The following ZNF503 variants were observed in gnomAD, a reference collection of about 807,000 sequenced individuals.
The protein encoded by ZNF503 is NocA-like zinc finger 2.
ZNF503 carries 15 observed loss-of-function variants against 34.4 expected under a neutral mutation model. The ratio of observed to expected loss-of-function variants is 0.44; its 90% CI spans 0.29 to 0.67. The LOEUF (loss-of-function observed/expected upper bound fraction) is 0.67, where lower values mean the gene tolerates loss of function less well. Among genes scored for constraint, ZNF503 ranks in the 30% least tolerant of loss-of-function variants. The pLI is 0.13. For missense variants in ZNF503, 1,007 were observed against 926.8 expected (o/e 1.09, Z -1.12); for synonymous variants, 580 against 456.8 (o/e 1.27, Z -3.44).
chr10:75,344,994 C>T, the ZNF503 span, among the ~76,000 whole-genome samples: 12 of 152,194 alleles, frequency 7.9e-5, no homozygotes, highest in African/African-American at 2.7e-4. Flanking sequence ...CAGAAAGTAG[C>T]TGGTGTGACA....
In ZNF503 at chr10:75,398,784, T is replaced by C. The variant is rs1180475350; in HGVS notation, c.1906A>G (p.Arg636Gly). 1.4e-6 allele frequency: 2 copies of C among 1,452,362 alleles called. No individual in the cohort carries two copies. The highest frequency in any genetic ancestry group is 1.8e-6 in the Non-Finnish European group (2 of 1,107,716). The allele number at this position is 1,452,362 out of a possible 1,614,324, so 90.0% of individuals were successfully genotyped here. The change falls in exon 2 of 2, where the codon AGA (arginine) becomes GGA (glycine). Residue 636 changes from arginine to glycine, a missense_variant. Coordinates refer to ENST00000372524, the MANE Select transcript of ZNF503 (RefSeq NM_032772.6). ...CCCAGCGCCGAGGCGGTGGTCAGTC[T>C]CTGTCCGTAGAGGGCGTAGGGGGAG... ...YYSPYALYGQ[R>G]LTTASALGYQ
chr10:75,304,149 C>T, the ZNF503 span, among the ~76,000 whole-genome samples: 1 of 152,162 alleles, frequency 6.6e-6, no homozygotes, highest in Non-Finnish European at 1.5e-5. Flanking sequence ...AGCAACCTGA[C>T]TAAATCTTTA....
the ZNF503 span, among the ~76,000 whole-genome samples, chr10:75,388,899 T>C: frequency 6.6e-6 from 1 of 152,242 alleles, no homozygotes; most frequent in Non-Finnish European, 1.5e-5. Flanking sequence ...GGATTTAAAA[T>C]CTGCAGGCCC....
chr10:75,317,919 C>A, the ZNF503 span, among the ~76,000 whole-genome samples: 1 of 152,044 alleles, frequency 6.6e-6, no homozygotes, highest in Non-Finnish European at 1.5e-5. Context: ...TCTCTTGAAC[C>A]CAAGAAGTGG....
chr10:75,310,315 C>T, the ZNF503 span, among the ~76,000 whole-genome samples: 2,278 of 152,288 alleles, frequency 0.015, 73 homozygotes, highest in African/African-American at 0.052. Context: ...GAGCTCTCTA[C>T]GTTTGTCTTA....
At chr10:75,354,368 A>C in the ZNF503 span, among the ~76,000 whole-genome samples, 70 of 152,318 alleles carry the variant, frequency 4.6e-4, no homozygotes, top group African/African-American at 1.6e-3. Context: ...AACATAGATT[A>C]CCAAAACTGA....
Position 75,401,371 on chromosome 10 carries a change from CGCT to C in ZNF503, c.46_48del (p.Ser16del), listed in dbSNP as rs767764991. 4.2e-5 allele frequency: 64 copies of C among 1,539,472 alleles called. No homozygotes were observed. Among genetic ancestry groups the C allele is most frequent in the East Asian group, 1.2e-4 (5 of 40,878 alleles). ...CCTCCGCCTCCGCCGCCGCCGCCGCCGCTGTGCTTACTGCTTCTTAGGGCAGAA... is the reference window on the plus strand; with the variant it reads ...CCTCCGCCTCCGCCGCCGCCGCCGCCGTGCTTACTGCTTCTTAGGGCAGAA... On this transcript the variant is annotated inframe_deletion, in exon 1 of 2. Coordinates refer to ENST00000372524, the MANE Select transcript of ZNF503 (RefSeq NM_032772.6).
Position 75,400,287 on chromosome 10 carries a change from A to G in ZNF503, c.403T>C (p.Ser135Pro), listed in dbSNP as rs756585404. The change falls in exon 2 of 2, where the codon TCC (serine) becomes CCC (proline). Residue 135 changes from serine to proline, a missense_variant. Ser to Pro is a moderately conservative substitution (Grantham distance 74). Coordinates refer to ENST00000372524, the MANE Select transcript of ZNF503 (RefSeq NM_032772.6). ...KPDPSPSSKL[S>P]SVASNGGGAG... is the part of the protein sequence containing the mutation. ...CCGCCCCCGTTGGAGGCAACCGAGG[A>G]GAGTTTGGAGGAGGGCGAGGGGTCG... 1.1e-5 allele frequency: 17 copies of G among 1,613,112 alleles called. No individual in the cohort carries two copies. Among genetic ancestry groups the G allele is most frequent in the Admixed American group, 1.0e-4 (6 of 59,972 alleles).
chr10:75,342,993 CA>C, the ZNF503 span, among the ~76,000 whole-genome samples: 1 of 152,164 alleles, frequency 6.6e-6, no homozygotes, highest in Non-Finnish European at 1.5e-5. Context: ...TCTGAGGGGT[CA>C]GGGGAGGCTT....
At chr10:75,319,761 G>C in the ZNF503 span, among the ~76,000 whole-genome samples, 2 of 152,118 alleles carry the variant, frequency 1.3e-5, no homozygotes, top group Non-Finnish European at 2.9e-5. Flanking sequence ...CAAATATAAT[G>C]ATATAGTCAG....
the ZNF503 span, among the ~76,000 whole-genome samples, chr10:75,372,250 T>C: frequency 6.6e-6 from 1 of 152,208 alleles, no homozygotes; most frequent in Admixed American, 6.5e-5. Context: ...TTTTATTGTG[T>C]ATTTTTCTTA....
chr10:75,401,049 C>T, intron 1 of ZNF503, 56 bp downstream of exon 1: 1 of 1,610,342 alleles, frequency 6.2e-7, no homozygotes, highest in African/African-American at 1.3e-5. Context: ...AAAAGAAAGC[C>T]CTAGGGTGGC....
the ZNF503 span, among the ~76,000 whole-genome samples, chr10:75,371,304 C>T: frequency 6.4e-4 from 97 of 152,298 alleles, no homozygotes; most frequent in Non-Finnish European, 1.2e-3. Context: ...GGAGGGAATA[C>T]AGGAGGCCAC....
At chr10:75,387,728 G>A in the ZNF503 span, among the ~76,000 whole-genome samples, 2 of 152,288 alleles carry the variant, frequency 1.3e-5, no homozygotes, top group South Asian at 4.1e-4. Context: ...GAAGGTGGAG[G>A]AGAGGGAGCA....
chr10:75,360,431 G>A, the ZNF503 span, among the ~76,000 whole-genome samples: 1 of 152,110 alleles, frequency 6.6e-6, no homozygotes, highest in African/African-American at 2.4e-5. Context: ...CGGCCTGGGG[G>A]CCCTTGTTTT....
chr10:75,398,148 T>C lies in ZNF503; in HGVS notation c.*601A>G, dbSNP rs556218764. Reference sequence around the variant, plus strand: ...AGCTGACAAATTGTGACTTTTTTTTTCATTTTTTTTGTAACAAACATGCAT... The same window carrying C: ...AGCTGACAAATTGTGACTTTTTTTTCCATTTTTTTTGTAACAAACATGCAT... On this transcript the variant is annotated 3_prime_UTR_variant, in exon 2 of 2. Coordinates refer to ENST00000372524, the MANE Select transcript of ZNF503 (RefSeq NM_032772.6). 4 of 148,262 alleles carry C rather than the reference T, an allele frequency of 2.7e-5. No individual in the cohort carries two copies. The South Asian group carries it at 6.2e-4, about 23-fold the overall frequency. The allele number at this position is 148,262 out of a possible 1,614,324, so 9.2% of individuals were successfully genotyped here.
the ZNF503 span, among the ~76,000 whole-genome samples, chr10:75,346,220 C>T: frequency 6.6e-6 from 1 of 152,132 alleles, no homozygotes; most frequent in Non-Finnish European, 1.5e-5. Context: ...TCCTGCTCTG[C>T]TACTTACTGG....
In ZNF503 at chr10:75,400,309, G is replaced by A. The variant is rs746752430; in HGVS notation, c.381C>T (p.Asp127=). 13 of 1,612,858 alleles carry A rather than the reference G, an allele frequency of 8.1e-6. No individual in the cohort carries two copies. Among genetic ancestry groups the A allele is most frequent in the Middle Eastern group, 1.6e-4 (1 of 6,080 alleles). ...AGGAGAGTTTGGAGGAGGGCGAGGG[G>A]TCGGGCTTCCCGATCTGCGAACATG... The part of the protein sequence containing the change: ...AQTCSQIGKP[D]PSPSSKLSSV... The change falls in exon 2 of 2, where the codon GAC becomes GAT. Residue 127 remains aspartate, a synonymous_variant. Coordinates refer to ENST00000372524, the MANE Select transcript of ZNF503 (RefSeq NM_032772.6).
chr10:75,395,733 C>T (rs532205163), downstream of ZNF503, among the ~76,000 whole-genome samples: 9 of 152,368 alleles, frequency 5.9e-5, no homozygotes, highest in South Asian at 1.9e-3. The surrounding 1 kb of genome is among the most constrained non-coding windows in gnomAD (Gnocchi z 4.4). Flanking sequence ...CCTTTCTGTC[C>T]TCACCCCCGG....
Sources: gnomAD v4.1 joint callset for allele counts (sites outside exome capture counted in the v4.1 genomes callset) on GRCh38, gnomAD v4.1.1 for gene constraint, Gnocchi (gnomAD v3.1) non-coding constraint, MANE v1.5 for transcripts, NCBI Gene and HGNC (gene_info 2026-07-23, HGNC 2026-07-21) for gene names.